NCKAP5: variants seen among roughly 807,000 people sequenced by gnomAD.
NCKAP5 encodes the protein nck-associated protein 5.
A neutral mutation model predicts 167.0 loss-of-function variants in NCKAP5; 92 were observed. The observed-to-expected ratio is 0.55, with a 90% CI of 0.47 to 0.66. The LOEUF is 0.66. NCKAP5 is among the 30% of genes least tolerant of loss of function. The probability of loss-of-function intolerance (pLI) is 0.00; values close to 1 mark genes in which losing one functional copy is unlikely to be tolerated. For missense variants in NCKAP5, 2,378 were observed against 2,315.0 expected, an observed-to-expected ratio of 1.03 and a Z score of -0.56; for synonymous variants, 891 against 877.4, an observed-to-expected ratio of 1.02 and a Z score of -0.27.
the NCKAP5 span, among the ~76,000 whole-genome samples, chr2:133,579,164 C>T: frequency 6.6e-6 from 1 of 152,162 alleles, no homozygotes; most frequent in African/African-American, 2.4e-5. Flanking sequence ...TTTCATTATC[C>T]TATTTTCCAA....
intron 3 of NCKAP5, among the ~76,000 whole-genome samples, chr2:133,456,464 C>T (rs528075978): frequency 2.6e-5 from 4 of 152,188 alleles, no homozygotes; most frequent in South Asian, 2.1e-4. Context: ...ATAAGAATGG[C>T]GGGACAGAAG....
chr2:133,364,376 T>A (rs1378492011), intron 3 of NCKAP5, among the ~76,000 whole-genome samples: 1 of 152,214 alleles, frequency 6.6e-6, no homozygotes. Context: ...TTTAAAGGAC[T>A]TTTTATGCTG....
At chr2:132,831,001 A>G (rs531204523) in intron 11 of NCKAP5, among the ~76,000 whole-genome samples, 2 of 152,284 alleles carry the variant, frequency 1.3e-5, no homozygotes, top group South Asian at 4.1e-4. Context: ...AATGTATGCA[A>G]ATTTGCTAAC....
the NCKAP5 span, among the ~76,000 whole-genome samples, chr2:133,574,147 A>C: frequency 6.6e-6 from 1 of 152,154 alleles, no homozygotes; most frequent in Non-Finnish European, 1.5e-5. Context: ...GAGGATGGGG[A>C]CAGCCACTGA....
chr2:133,426,009 T>C lies in NCKAP5; in HGVS notation c.69+91449A>G, dbSNP rs143430150. On this transcript the variant is annotated intron_variant, in intron 3 of 19. Transcript: ENST00000409261. ...AATGCAGGCCAGGCACGGTGGCTCA[T>C]GCCTGTAATCCCAGCACTTTGGGAG... 3.0e-3 allele frequency among the ~76,000 whole-genome samples: 455 copies of C among 152,286 alleles called. 3 individuals are homozygous for C. The highest frequency in any genetic ancestry group is 0.01 in the African/African-American group (426 of 41,570).
the NCKAP5 span, among the ~76,000 whole-genome samples, chr2:133,599,475 G>A: frequency 6.6e-6 from 1 of 152,180 alleles, no homozygotes; most frequent in African/African-American, 2.4e-5. Flanking sequence ...GAGGAATACA[G>A]GAGTCTGGCT....
intron 3 of NCKAP5, among the ~76,000 whole-genome samples, chr2:133,355,670 T>C (rs942769212): frequency 4.6e-5 from 7 of 152,108 alleles, no homozygotes; most frequent in African/African-American, 1.7e-4. Flanking sequence ...TATACCCACA[T>C]ACCTGGGAAA....
chr2:133,360,844 C>A (rs1262582220), intron 3 of NCKAP5, among the ~76,000 whole-genome samples: 1 of 151,298 alleles, frequency 6.6e-6, no homozygotes, highest in Non-Finnish European at 1.5e-5. Flanking sequence ...CCTTAAAAGG[C>A]TGGTGAGTAG....
intron 3 of NCKAP5, among the ~76,000 whole-genome samples, chr2:133,341,735 T>A (rs942716498): frequency 1.3e-5 from 2 of 152,174 alleles, no homozygotes; most frequent in African/African-American, 4.8e-5. Context: ...TGTACCCGTA[T>A]CTCTCCACCC....
chr2:132,986,124 T>C (rs1049748377), intron 7 of NCKAP5, among the ~76,000 whole-genome samples: 41 of 152,186 alleles, frequency 2.7e-4, no homozygotes, highest in South Asian at 4.1e-4. Context: ...TAAATTACAA[T>C]TGAGCTCTCT....
the NCKAP5 span, among the ~76,000 whole-genome samples, chr2:133,602,893 C>T: frequency 6.6e-6 from 1 of 152,082 alleles, no homozygotes; most frequent in African/African-American, 2.4e-5. Flanking sequence ...AATGTCAGGG[C>T]AGTAGTGGGG....
intron 3 of NCKAP5, among the ~76,000 whole-genome samples, chr2:133,306,694 C>T (rs1240310950): frequency 6.6e-6 from 1 of 152,122 alleles, no homozygotes; most frequent in African/African-American, 2.4e-5. Context: ...TATTGCTGTC[C>T]TGTGATTCTT....
chr2:133,292,463 T>TA (rs1483069072), intron 4 of NCKAP5, among the ~76,000 whole-genome samples: 4 of 152,232 alleles, frequency 2.6e-5, no homozygotes, highest in African/African-American at 9.6e-5. Context: ...TTACCCCAAA[T>TA]AAATCTACAA....
At chr2:133,400,425 C>T (rs894213258) in intron 3 of NCKAP5, among the ~76,000 whole-genome samples, 1 of 152,062 alleles carries the variant, frequency 6.6e-6, no homozygotes, top group Non-Finnish European at 1.5e-5. Context: ...CTGGTGGGCC[C>T]CAAATCCAAA....
At chr2:132,941,672 T>A (rs1426794153) in intron 8 of NCKAP5, among the ~76,000 whole-genome samples, 1 of 152,208 alleles carries the variant, frequency 6.6e-6, no homozygotes, top group Non-Finnish European at 1.5e-5. Flanking sequence ...TGAGACTTGA[T>A]AACACTGGAT....
intron 4 of NCKAP5, among the ~76,000 whole-genome samples, chr2:133,248,589 A>G (rs2088131014): frequency 6.6e-6 from 1 of 152,234 alleles, no homozygotes; most frequent in African/African-American, 2.4e-5. Context: ...TCAACTGGCC[A>G]TGTGTCCTTG....
At chr2:133,320,741 A>C (rs1681987612) in intron 3 of NCKAP5, among the ~76,000 whole-genome samples, 1 of 151,986 alleles carries the variant, frequency 6.6e-6, no homozygotes, top group Non-Finnish European at 1.5e-5. Flanking sequence ...AACAAACAAA[A>C]AAAAAGAAAA....
chr2:133,050,268 T>C (rs963896209), intron 6 of NCKAP5, among the ~76,000 whole-genome samples: 2 of 151,784 alleles, frequency 1.3e-5, no homozygotes, highest in Non-Finnish European at 2.9e-5. Context: ...ACATATTAAC[T>C]GACTGTGTAT....
chr2:133,311,445 G>A (rs1008189859), intron 3 of NCKAP5, among the ~76,000 whole-genome samples: 4 of 152,212 alleles, frequency 2.6e-5, no homozygotes, highest in Admixed American at 1.3e-4. Context: ...GAAGCCCCTT[G>A]AGCCCAGTCC....
Sources: gnomAD v4.1 joint callset for allele counts (sites outside exome capture counted in the v4.1 genomes callset) on GRCh38, gnomAD v4.1.1 for gene constraint, MANE v1.5 for transcripts, NCBI Gene and HGNC (gene_info 2026-07-23, HGNC 2026-07-21) for gene names.